UHRF2: variants seen among roughly 807,000 people sequenced by gnomAD.
UHRF2 encodes the protein E3 ubiquitin-protein ligase UHRF2.
A neutral mutation model predicts 96.8 loss-of-function variants in UHRF2; 23 were observed. The observed-to-expected ratio is 0.24, with a 90% CI of 0.17 to 0.34. The LOEUF (loss-of-function observed/expected upper bound fraction) is 0.34, where lower values mean the gene tolerates loss of function less well. Among genes scored for constraint, UHRF2 ranks in the 10% least tolerant of loss-of-function variants. The pLI is 1.00. For synonymous variants in UHRF2, 385 were observed against 332.6 expected, an observed-to-expected ratio of 1.16 and a Z score of -1.72; for missense variants, 685 against 981.5, an observed-to-expected ratio of 0.70 and a Z score of 4.04.
chr9:6,497,932 C>T, intron 11 of UHRF2, 86 bp from the exon 12 acceptor site: 6 of 1,511,652 alleles, frequency 4.0e-6, no homozygotes, highest in Non-Finnish European at 5.4e-6. Flanking sequence ...GCATTTAGTT[C>T]TGGCAAAGAT....
intron 3 of UHRF2, among the ~76,000 whole-genome samples, chr9:6,435,513 T>C (rs993299889): frequency 2.0e-5 from 3 of 152,236 alleles, no homozygotes; most frequent in African/African-American, 7.2e-5. Flanking sequence ...TTTGACGTAC[T>C]ACCACAAACT....
chr9:6,454,774 T>G (rs1822078631), intron 3 of UHRF2, among the ~76,000 whole-genome samples: 1 of 152,178 alleles, frequency 6.6e-6, no homozygotes, highest in Admixed American at 6.5e-5. Flanking sequence ...GTTTCTACCT[T>G]TTTAATGCTG....
intron 10 of UHRF2, chr9:6,496,608 G>C (rs1824987697): frequency 6.6e-6 from 1 of 152,190 alleles, no homozygotes; most frequent in East Asian, 1.9e-4. Context: ...CAGGCATTTG[G>C]ATGCTTCAGG....
At position 6,497,454 on chromosome 9, in the gene UHRF2, A is replaced by G. The variant is rs1011961743; in HGVS notation, c.1767+94A>G. Reference sequence around the variant, plus strand: ...AACTACTGTGGGTGGGCTCGAGGAAACAGTAGCCATCTTATATTGCTACTT... The same window carrying G: ...AACTACTGTGGGTGGGCTCGAGGAAGCAGTAGCCATCTTATATTGCTACTT... On this transcript the variant is annotated intron_variant, in intron 11 of 15. Transcript: ENST00000276893. 12 of 1,381,360 alleles carry G rather than the reference A, an allele frequency of 8.7e-6. No individual in the cohort carries two copies. In the African/African-American group the frequency reaches 1.7e-4, roughly 20 times the overall value. 85.6% of individuals were successfully genotyped at this position (1,381,360 alleles called of 1,614,324 possible).
chr9:6,440,273 T>G (rs757642159), intron 3 of UHRF2, among the ~76,000 whole-genome samples: 14 of 152,212 alleles, frequency 9.2e-5, no homozygotes, highest in Non-Finnish European at 1.8e-4. Context: ...GAATGTTGTC[T>G]TATGTGCCGG....
chr9:6,428,682 C>T (rs562528141), intron 2 of UHRF2, among the ~76,000 whole-genome samples: 9 of 151,542 alleles, frequency 5.9e-5, no homozygotes, highest in Non-Finnish European at 7.4e-5. Flanking sequence ...CCTGAGTAAC[C>T]GGGACTACAG....
At chr9:6,434,682 G>GC (rs762667881) in intron 3 of UHRF2, among the ~76,000 whole-genome samples, 1 of 152,034 alleles carries the variant, frequency 6.6e-6, no homozygotes, top group Non-Finnish European at 1.5e-5. Flanking sequence ...CAAGTGATCT[G>GC]CCCCCCTTGG....
chr9:6,433,790 T>G (rs1402044236), intron 2 of UHRF2, 124 bp from the exon 3 acceptor site: 2 of 979,460 alleles, frequency 2.0e-6, no homozygotes, highest in African/African-American at 1.6e-5. Flanking sequence ...TATTAACCAC[T>G]TTAAACATGA....
intron 3 of UHRF2, among the ~76,000 whole-genome samples, chr9:6,445,043 C>T (rs1247688224): frequency 6.7e-6 from 1 of 148,834 alleles, no homozygotes; most frequent in Non-Finnish European, 1.5e-5. Context: ...GTAATCCTAG[C>T]ACTTTGGGAG....
chr9:6,413,744 G>A (rs915834225), intron 1 of UHRF2, 101 bp downstream of exon 1: 7 of 1,289,928 alleles, frequency 5.4e-6, no homozygotes, highest in South Asian at 2.1e-5. Context: ...CGCGCGCAGG[G>A]CTCACCTGGC....
intron 4 of UHRF2, among the ~76,000 whole-genome samples, chr9:6,469,984 A>G (rs1033207494): frequency 3.3e-5 from 5 of 152,188 alleles, no homozygotes; most frequent in African/African-American, 1.2e-4. Context: ...AAGAATGCTA[A>G]AAACTAAAGA....
At chr9:6,446,066 C>CACT (rs1011041336) in intron 3 of UHRF2, among the ~76,000 whole-genome samples, 1 of 143,056 alleles carries the variant, frequency 7.0e-6, no homozygotes, top group African/African-American at 2.6e-5. Flanking sequence ...GATCTCGGCT[C>CACT]ACTGCTGCCT....
At chr9:6,455,079 A>T (rs1164323610) in intron 3 of UHRF2, among the ~76,000 whole-genome samples, 1 of 152,106 alleles carries the variant, frequency 6.6e-6, no homozygotes, top group Non-Finnish European at 1.5e-5. Context: ...ACCAGATGTT[A>T]CTCATTTCTT....
intron 5 of UHRF2, 43 bp downstream of exon 5, chr9:6,475,543 A>C: frequency 8.5e-7 from 1 of 1,182,820 alleles, no homozygotes; most frequent in Non-Finnish European, 1.2e-6. Flanking sequence ...TGTGTTGTAC[A>C]TGATTGAACT....
At chr9:6,474,247 T>C (rs1410362990) in intron 4 of UHRF2, among the ~76,000 whole-genome samples, 2 of 152,182 alleles carry the variant, frequency 1.3e-5, no homozygotes, top group Non-Finnish European at 2.9e-5. Context: ...ATATTTGACA[T>C]TGAAAGTTTT....
At position 6,495,954 on chromosome 9, in the gene UHRF2, T is replaced by G. The variant is rs531576477; in HGVS notation, c.1605-1244T>G. 14 of 152,184 alleles carry G rather than the reference T, an allele frequency of 9.2e-5. No individual in the cohort carries two copies. The East Asian group carries it at 2.7e-3, about 29-fold the overall frequency. 9.4% of individuals were successfully genotyped at this position (152,184 alleles called of 1,614,324 possible). On this transcript the variant is annotated intron_variant, in intron 10 of 15. Coordinates refer to ENST00000276893, the MANE Select transcript of UHRF2 (RefSeq NM_152896.3). ...AGTAGCCCTAGAGTTGATGGCTGTG[T>G]TTTTTTCTACCTCTCAGAATTTTAA...
chr9:6,499,041 C>A (rs977394641), intron 12 of UHRF2: 1 of 152,130 alleles, frequency 6.6e-6, no homozygotes, highest in Admixed American at 6.6e-5. Context: ...TAAAATAATT[C>A]TTTTTAATAT....
intron 3 of UHRF2, among the ~76,000 whole-genome samples, chr9:6,452,629 T>A (rs906376980): frequency 1.3e-5 from 2 of 152,152 alleles, no homozygotes; most frequent in African/African-American, 4.8e-5. Context: ...CATTAACAGG[T>A]TATCGTAAAT....
Position 6,417,503 on chromosome 9 carries a change from G to GA in UHRF2, c.154-3407dup, listed in dbSNP as rs1819676368. ...TCAATCTTCACTTTCATTAAATGTG[G>GA]AAGAACTTCGGTACTTTTCAAGTAA... On this transcript the variant is annotated intron_variant, in intron 1 of 15. Transcript: ENST00000276893. Among the ~76,000 whole-genome samples the GA allele has an allele frequency of 4.6e-5, 7 of 152,286 alleles. No homozygotes were observed. The South Asian group carries it at 1.4e-3, about 32-fold the overall frequency.
Sources: allele counts gnomAD v4.1 joint callset (sites outside exome capture counted in the v4.1 genomes callset), GRCh38; gene constraint gnomAD v4.1.1; transcripts MANE v1.5; gene names NCBI Gene and HGNC (gene_info 2026-07-23, HGNC 2026-07-21).